NELL1: variants seen among roughly 807,000 people sequenced by gnomAD.
NELL1 encodes neural EGFL like 1.
In NELL1, 76 loss-of-function variants were observed where a neutral mutation model predicts 107.4. That is an observed-to-expected ratio of 0.71 (90% CI 0.59 to 0.86). NELL1 has a LOEUF of 0.86. Ranked by LOEUF, NELL1 falls within the 40% of genes least tolerant of loss-of-function variation. NELL1 has a pLI of 0.00. For missense variants in NELL1, 1,024 were observed against 1,005.5 expected (o/e 1.02, Z -0.25); for synonymous variants, 353 against 341.2 (o/e 1.03, Z -0.38).
intron 15 of NELL1, among the ~76,000 whole-genome samples, chr11:21,403,916 A>G (rs1852159472): frequency 1.3e-5 from 2 of 149,496 alleles, no homozygotes; most frequent in Non-Finnish European, 3.0e-5. Context: ...GATGTTAAGA[A>G]TGAGCAGCTA....
intron 3 of NELL1, among the ~76,000 whole-genome samples, chr11:20,799,205 GAC>G (rs950462985): frequency 6.6e-6 from 1 of 152,236 alleles, no homozygotes; most frequent in Admixed American, 6.5e-5. Flanking sequence ...ATGTTTAGGA[GAC>G]AGACCAAGAG....
intron 16 of NELL1, among the ~76,000 whole-genome samples, chr11:21,548,276 A>G (rs1470300565): frequency 1.3e-5 from 2 of 151,958 alleles, no homozygotes; most frequent in Non-Finnish European, 2.9e-5. Context: ...TTTTATAAAT[A>G]TTAAGTATCA....
At chr11:21,012,738 A>G (rs775356009) in intron 12 of NELL1, among the ~76,000 whole-genome samples, 5 of 152,096 alleles carry the variant, frequency 3.3e-5, no homozygotes, top group Non-Finnish European at 7.4e-5. Flanking sequence ...TCATAGGGAG[A>G]TGAAGCTGTC....
Position 21,253,789 on chromosome 11 carries a change from A to C in NELL1, c.1549+24335A>C, listed in dbSNP as rs1260749719. On this transcript the variant is annotated intron_variant, in intron 14 of 19. Transcript: ENST00000357134. ...AAGGCAGGGATGTGACGGTTAAAAC[A>C]AAACAAAAAAACACAGCTTCTGCCA... 2.6e-5 allele frequency among the ~76,000 whole-genome samples: 4 copies of C among 152,122 alleles called. No homozygotes were observed. In the East Asian group the frequency reaches 7.8e-4, roughly 29 times the overall value.
chr11:21,352,503 C>A (rs1850840563), intron 14 of NELL1, among the ~76,000 whole-genome samples: 1 of 152,046 alleles, frequency 6.6e-6, no homozygotes, highest in Non-Finnish European at 1.5e-5. Flanking sequence ...TGGGTCCATG[C>A]TTTATTAGGA....
At chr11:21,550,922 T>C (rs1856564406) in intron 16 of NELL1, among the ~76,000 whole-genome samples, 1 of 151,584 alleles carries the variant, frequency 6.6e-6, no homozygotes, top group Non-Finnish European at 1.5e-5. Flanking sequence ...ATCTATAAAT[T>C]ACCTTGGGCA....
intron 12 of NELL1, among the ~76,000 whole-genome samples, chr11:21,021,991 G>A (rs1391989512): frequency 1.3e-5 from 2 of 151,940 alleles, no homozygotes; most frequent in African/African-American, 4.8e-5. Flanking sequence ...AGGATGTTTA[G>A]CATCATCTTT....
intron 4 of NELL1, among the ~76,000 whole-genome samples, chr11:20,853,800 G>C (rs1848832493): frequency 6.6e-6 from 1 of 152,114 alleles, no homozygotes; most frequent in Non-Finnish European, 1.5e-5. Context: ...AGCAAGGTTT[G>C]CCAGTAGTTT....
intron 12 of NELL1, among the ~76,000 whole-genome samples, chr11:21,019,157 C>G (rs1852639713): frequency 6.6e-6 from 1 of 152,112 alleles, no homozygotes; most frequent in Non-Finnish European, 1.5e-5. Flanking sequence ...GCTTCATGTT[C>G]ATGCTCTTTT....
intron 13 of NELL1, among the ~76,000 whole-genome samples, chr11:21,205,519 C>G (rs183653924): frequency 2.0e-5 from 3 of 152,170 alleles, no homozygotes; most frequent in Non-Finnish European, 4.4e-5. Context: ...GTGCTGGCAG[C>G]GAGAATTTCA....
intron 17 of NELL1, 25 bp from the exon 18 acceptor site, chr11:21,570,739 C>G: frequency 2.5e-6 from 4 of 1,604,094 alleles, no homozygotes; most frequent in Non-Finnish European, 3.4e-6. Flanking sequence ...AATGATGAAA[C>G]CTCCTTAACT....
At chr11:21,306,297 A>G (rs1289645446) in intron 14 of NELL1, among the ~76,000 whole-genome samples, 1 of 151,994 alleles carries the variant, frequency 6.6e-6, no homozygotes, top group Non-Finnish European at 1.5e-5. Flanking sequence ...TTTCATCTAT[A>G]AGAGTGGATC....
intron 13 of NELL1, among the ~76,000 whole-genome samples, chr11:21,177,033 A>G (rs1000757984): frequency 1.3e-5 from 2 of 151,802 alleles, no homozygotes; most frequent in African/African-American, 4.9e-5. Flanking sequence ...ACATGTATAC[A>G]TTATGGGATG....
chr11:21,044,029 G>C (rs377296334), intron 12 of NELL1, among the ~76,000 whole-genome samples: 5 of 152,112 alleles, frequency 3.3e-5, no homozygotes, highest in Admixed American at 3.3e-4. Flanking sequence ...GGAGTTATCA[G>C]GATATAAATG....
At chr11:21,387,592 T>C (rs1400647705) in intron 15 of NELL1, among the ~76,000 whole-genome samples, 2 of 151,892 alleles carry the variant, frequency 1.3e-5, no homozygotes, top group Non-Finnish European at 2.9e-5. Context: ...TGAACAGCTC[T>C]TTGTGCCTCA....
chr11:21,220,971 GCTTTTTCTGATTCAGTATGATGTC>G (rs1436426401), intron 13 of NELL1, among the ~76,000 whole-genome samples: 2 of 152,120 alleles, frequency 1.3e-5, no homozygotes, highest in East Asian at 3.9e-4. Context: ...ATATATTTTG[GCTTTTTCTGATTCAGTATGATGTC>G]AGCTATGGGC....
chr11:21,404,014 C>A lies in NELL1; in HGVS notation c.1645+33066C>A, dbSNP rs566343629. Among the ~76,000 whole-genome samples the A allele has an allele frequency of 2.5e-3, 292 of 116,540 alleles. 13 individuals are homozygous for A. The highest frequency in any genetic ancestry group is 8.3e-3 in the African/African-American group (267 of 32,100). 76.5% of individuals were successfully genotyped at this position (116,540 alleles called of 152,430 possible). On this transcript the variant is annotated intron_variant, in intron 15 of 19. Coordinates refer to ENST00000357134, the MANE Select transcript of NELL1 (RefSeq NM_006157.5). The stretch of plus-strand genomic sequence containing the variant: ...TCTCTGTCATTCCTGAACCCCCCCC[C>A]CCGCAATCAAAACCACTGGATATTC...
intron 14 of NELL1, among the ~76,000 whole-genome samples, chr11:21,257,326 G>A (rs1307609820): frequency 6.6e-6 from 1 of 151,954 alleles, no homozygotes; most frequent in Non-Finnish European, 1.5e-5. Flanking sequence ...TCTATTTCAA[G>A]GATTTGGAAA....
chr11:20,732,769 G>A (rs974883413), intron 2 of NELL1, among the ~76,000 whole-genome samples: 1 of 152,204 alleles, frequency 6.6e-6, no homozygotes, highest in Non-Finnish European at 1.5e-5. Context: ...GAGCTTAGCT[G>A]TACAAAGTTT....
Sources: gnomAD v4.1 joint callset for allele counts (sites outside exome capture counted in the v4.1 genomes callset) on GRCh38, gnomAD v4.1.1 for gene constraint, MANE v1.5 for transcripts, NCBI Gene and HGNC (gene_info 2026-07-23, HGNC 2026-07-21) for gene names.